RAG1: variants seen among roughly 807,000 people sequenced by gnomAD.
RAG1 encodes V(D)J recombination-activating protein 1.
Under a neutral mutation model 62.7 loss-of-function variants are expected in RAG1, and 35 were observed. That is an observed-to-expected ratio of 0.56 (90% CI 0.43 to 0.74). The LOEUF is 0.74. Ranked by LOEUF, RAG1 falls within the 30% of genes least tolerant of loss-of-function variation. The probability of loss-of-function intolerance (pLI) is 0.00; values close to 1 mark genes in which losing one functional copy is unlikely to be tolerated. For missense variants in RAG1, 1,169 were observed against 1,278.6 expected, an observed-to-expected ratio of 0.91 and a Z score of 1.31; for synonymous variants, 461 against 470.3, an observed-to-expected ratio of 0.98 and a Z score of 0.26.
chr11:36,534,416 G>T (rs948204810), intron 2 of RAG1, among the ~76,000 whole-genome samples: 1 of 152,176 alleles, frequency 6.6e-6, no homozygotes, highest in African/African-American at 2.4e-5. Flanking sequence ...TCTGGCCATG[G>T]GAAGGCTGTA....
chr11:36,566,081 AAGAGAGAG>A (rs137987566), upstream of RAG1, among the ~76,000 whole-genome samples: 1 of 150,398 alleles, frequency 6.6e-6, no homozygotes, highest in African/African-American at 2.4e-5. Context: ...ATATGATTTG[AAGAGAGAG>A]AGAGAGAGAG....
chr11:36,567,169 C>A (rs541659816), upstream of RAG1, among the ~76,000 whole-genome samples: 95 of 152,174 alleles, frequency 6.2e-4, no homozygotes, highest in Non-Finnish European at 1.2e-3. Flanking sequence ...AATTCCACCC[C>A]ACCTTCACTA....
At chr11:36,548,149 C>T (rs1208839444) in intron 3 of RAG1, among the ~76,000 whole-genome samples, 1 of 152,136 alleles carries the variant, frequency 6.6e-6, no homozygotes, top group East Asian at 1.9e-4. Flanking sequence ...CTATTTATGA[C>T]AAACTCAGAG....
At chr11:36,542,974 C>T (rs1178885552) in intron 3 of RAG1, among the ~76,000 whole-genome samples, 1 of 152,186 alleles carries the variant, frequency 6.6e-6, no homozygotes, top group East Asian at 1.9e-4. Context: ...CATTAGGAAT[C>T]CCCATCAACT....
intron 3 of RAG1, among the ~76,000 whole-genome samples, chr11:36,548,361 T>C (rs1001128965): frequency 6.6e-6 from 1 of 152,214 alleles, no homozygotes; most frequent in Non-Finnish European, 1.5e-5. Context: ...GACATGATTG[T>C]ACATTTAGAA....
intron 3 of RAG1, among the ~76,000 whole-genome samples, chr11:36,550,488 A>C: frequency 6.6e-6 from 1 of 152,126 alleles, no homozygotes; most frequent in East Asian, 1.9e-4. Context: ...CATAGCTTCT[A>C]AGGACTAGTC....
chr11:36,548,735 C>A (rs929613800), intron 3 of RAG1, among the ~76,000 whole-genome samples: 3 of 152,200 alleles, frequency 2.0e-5, no homozygotes, highest in Non-Finnish European at 4.4e-5. Context: ...CCCCATCAAG[C>A]TACCAATGAC....
At chr11:36,542,726 C>T (rs897255340) in intron 3 of RAG1, among the ~76,000 whole-genome samples, 2 of 152,164 alleles carry the variant, frequency 1.3e-5, no homozygotes, top group African/African-American at 4.8e-5. Flanking sequence ...ATGAACTAGC[C>T]GTGCCACATG....
upstream of RAG1, chr11:36,567,545 T>C (rs1479927345): frequency 6.6e-6 from 1 of 152,218 alleles, no homozygotes; most frequent in Non-Finnish European, 1.5e-5. Flanking sequence ...TTGGATAACA[T>C]TTCAAGATAA....
chr11:36,510,961 AGTAGTCATGCGTATGTATCC>A (rs1179089990), exon 1 of RAG1: 2 of 152,190 alleles, frequency 1.3e-5, no homozygotes, highest in Non-Finnish European at 2.9e-5. Context: ...TTTCCAGGAT[AGTAGTCATGCGTATGTATCC>A]TGAAGCCAGA....
upstream of RAG1, chr11:36,567,504 A>G: frequency 6.6e-6 from 1 of 152,210 alleles, no homozygotes; most frequent in East Asian, 1.9e-4. Flanking sequence ...CCTCAGCAAG[A>G]TTTGACCAGG....
chr11:36,548,887 A>G (rs1049845596), intron 3 of RAG1, among the ~76,000 whole-genome samples: 2 of 152,212 alleles, frequency 1.3e-5, no homozygotes, highest in African/African-American at 4.8e-5. Context: ...ACAAGGCTAC[A>G]GGAACCAAAA....
rs1850819583 is a variant in RAG1, at chr11:36,575,040, A to G, written c.1736A>G (p.Glu579Gly). ...ALMDMEEDIL[E>G]GMRSQDLDDY... ...ATGGACATGGAAGAAGACATCTTGG[A>G]AGGCATGAGATCCCAAGACCTTGAT... The change falls in exon 2 of 2, where the codon GAA (glutamate) becomes GGA (glycine). Residue 579 changes from glutamate (E) to glycine (G), a missense_variant. By Grantham distance (98) the Glu-to-Gly change is moderately conservative (BLOSUM62 -2). Coordinates refer to ENST00000299440, the MANE Select transcript of RAG1 (RefSeq NM_000448.3). This position sits in a 1 kb window ranked among gnomAD's most constrained non-coding sequence, Gnocchi z 4.1. The G allele has an allele frequency of 6.2e-7, 1 of 1,614,022 alleles. No individual in the cohort carries two copies. Among genetic ancestry groups the G allele is most frequent in the Non-Finnish European group, 8.5e-7 (1 of 1,180,016 alleles).
intron 1 of RAG1, 70 bp downstream of exon 1, chr11:36,568,192 C>T (rs747896850): frequency 3.3e-5 from 5 of 152,110 alleles, no homozygotes; most frequent in African/African-American, 4.8e-5. Flanking sequence ...ACTAGAAGTG[C>T]TTGAGCTTTT....
intron 1 of RAG1, among the ~76,000 whole-genome samples, chr11:36,568,652 C>G (rs1850694021): frequency 1.3e-5 from 2 of 152,224 alleles, no homozygotes; most frequent in Admixed American, 1.3e-4. Flanking sequence ...CAGCCAGACT[C>G]TTTGGGACCT....
intron 3 of RAG1, among the ~76,000 whole-genome samples, chr11:36,545,502 G>C (rs1204706908): frequency 6.6e-6 from 1 of 152,140 alleles, no homozygotes; most frequent in East Asian, 1.9e-4. Context: ...CAATTCTCCT[G>C]ACACTGTGAC....
At chr11:36,545,102 CAGT>C (rs150384710) in intron 3 of RAG1, among the ~76,000 whole-genome samples, 6,375 of 152,174 alleles carry the variant, frequency 0.042, 432 homozygotes, top group African/African-American at 0.14. Context: ...TAGCTGTTCT[CAGT>C]ATTTTATTAT....
chr11:36,557,631 C>A (rs528223623), intron 3 of RAG1, among the ~76,000 whole-genome samples: 4 of 152,278 alleles, frequency 2.6e-5, no homozygotes, highest in Admixed American at 6.5e-5. Context: ...ATCTTGGCTC[C>A]TCCTCAACTT....
At chr11:36,570,304 C>T (rs1850721931) in intron 1 of RAG1, among the ~76,000 whole-genome samples, 1 of 152,114 alleles carries the variant, frequency 6.6e-6, no homozygotes, top group Admixed American at 6.5e-5. Context: ...TTAATTTCTC[C>T]ATGCCTTCAT....
Sources: allele counts gnomAD v4.1 joint callset (sites outside exome capture counted in the v4.1 genomes callset), GRCh38; gene constraint gnomAD v4.1.1; non-coding constraint Gnocchi (gnomAD v3.1); transcripts MANE v1.5; gene names NCBI Gene and HGNC (gene_info 2026-07-23, HGNC 2026-07-21).